MAP3K5: variants seen among roughly 807,000 people sequenced by gnomAD.
The protein encoded by MAP3K5 is mitogen-activated protein kinase kinase kinase 5.
MAP3K5 carries 56 observed loss-of-function variants against 158.7 expected under a neutral mutation model. That is an observed-to-expected ratio of 0.35 (90% CI 0.28 to 0.44). The LOEUF (loss-of-function observed/expected upper bound fraction) is 0.44, where lower values mean the gene tolerates loss of function less well. MAP3K5 is among the 20% of genes least tolerant of loss of function. MAP3K5 has a pLI of 1.00. For missense variants in MAP3K5, 1,294 were observed against 1,674.8 expected (o/e 0.77, Z 3.97); for synonymous variants, 579 against 601.7 (o/e 0.96, Z 0.55).
At chr6:136,752,198 A>T (rs1456751064) in intron 1 of MAP3K5, among the ~76,000 whole-genome samples, 1 of 152,160 alleles carries the variant, frequency 6.6e-6, no homozygotes, top group Non-Finnish European at 1.5e-5. Context: ...CACTACAGAG[A>T]TGATCAAGTC....
At chr6:136,575,842 C>G (rs1005327125) in intron 25 of MAP3K5, among the ~76,000 whole-genome samples, 1 of 152,218 alleles carries the variant, frequency 6.6e-6, no homozygotes, top group African/African-American at 2.4e-5. Flanking sequence ...GAGGGGGTGT[C>G]TGCCACATTC....
rs1266911449 is a variant in MAP3K5 at position 136,757,575 on chromosome 6, A to ATTTTT, written c.448+34134_448+34135insAAAAA. ...GAGAACTCATTTTATAGATTTATTT[A>ATTTTT]TTTATTTTTTATTTTTTTTTTTTTT... On this transcript the variant is annotated intron_variant, in intron 1 of 29. Transcript: ENST00000359015. Among the ~76,000 whole-genome samples the ATTTTT allele has an allele frequency of 1.3e-3, 150 of 111,262 alleles. 4 individuals carry two copies. The highest frequency in any genetic ancestry group is 3.9e-3 in the African/African-American group (117 of 30,362). 73.0% of individuals were successfully genotyped at this position (111,262 alleles called of 152,430 possible).
chr6:136,631,874 C>T (rs183523562), intron 14 of MAP3K5, among the ~76,000 whole-genome samples: 14 of 152,214 alleles, frequency 9.2e-5, no homozygotes, highest in Admixed American at 3.3e-4. Flanking sequence ...CATTAACAGT[C>T]CAGTCCAGTG....
intron 1 of MAP3K5, among the ~76,000 whole-genome samples, chr6:136,748,881 C>T (rs1783072276): frequency 6.6e-6 from 1 of 152,176 alleles, no homozygotes; most frequent in Non-Finnish European, 1.5e-5. Context: ...ATAGGCAATT[C>T]ATTTTGTATA....
intron 18 of MAP3K5, among the ~76,000 whole-genome samples, chr6:136,608,282 G>T (rs1156970422): frequency 6.6e-6 from 1 of 151,888 alleles, no homozygotes; most frequent in African/African-American, 2.4e-5. Context: ...AAAAAAAAAA[G>T]CAAGCCACTG....
At chr6:136,768,160 C>T (rs1046969699) in intron 1 of MAP3K5, among the ~76,000 whole-genome samples, 3 of 152,076 alleles carry the variant, frequency 2.0e-5, no homozygotes, top group African/African-American at 7.2e-5. Flanking sequence ...TGCTTTCTTA[C>T]GTAAGACAAC....
intron 1 of MAP3K5, among the ~76,000 whole-genome samples, chr6:136,766,590 G>C (rs1361684685): frequency 6.6e-6 from 1 of 152,198 alleles, no homozygotes; most frequent in African/African-American, 2.4e-5. Flanking sequence ...ATTTGCGGTT[G>C]GGAACAGAGG....
intron 8 of MAP3K5, among the ~76,000 whole-genome samples, chr6:136,660,967 C>G (rs1242671576): frequency 6.6e-6 from 1 of 150,804 alleles, no homozygotes; most frequent in Non-Finnish European, 1.5e-5. Context: ...TTTCCTTAAT[C>G]AAACTCAGAT....
At chr6:136,694,008 T>A in intron 7 of MAP3K5, 132 bp downstream of exon 7, 1 of 664,226 alleles carries the variant, frequency 1.5e-6, no homozygotes, top group Non-Finnish European at 2.4e-6. Context: ...TAAAATAAAA[T>A]AAAATCTAAG....
chr6:136,587,203 T>C (rs552787201), intron 23 of MAP3K5, among the ~76,000 whole-genome samples: 1 of 152,294 alleles, frequency 6.6e-6, no homozygotes, highest in Admixed American at 6.5e-5. Context: ...ACCTGACCAA[T>C]ATCTAGATTT....
intron 7 of MAP3K5, among the ~76,000 whole-genome samples, chr6:136,678,606 A>T (rs1779801814): frequency 1.3e-5 from 2 of 152,208 alleles, no homozygotes; most frequent in Non-Finnish European, 2.9e-5. Flanking sequence ...TTAGAGAACT[A>T]TACATTTACA....
intron 1 of MAP3K5, among the ~76,000 whole-genome samples, chr6:136,785,362 C>G (rs1368062114): frequency 6.6e-6 from 1 of 152,200 alleles, no homozygotes; most frequent in African/African-American, 2.4e-5. Flanking sequence ...AAGCTAAGTT[C>G]TTACAATTTT....
At position 136,707,561 on chromosome 6, in the gene MAP3K5, G is replaced by A. The variant is rs117746059; in HGVS notation, c.589-2428C>T. Among the ~76,000 whole-genome samples the A allele has an allele frequency of 2.0e-3, 305 of 151,970 alleles. 8 individuals carry two copies. In the East Asian group the frequency reaches 0.036, roughly 18 times the overall value. On this transcript the variant is annotated intron_variant, in intron 2 of 29. Transcript: ENST00000359015. ...AGAGTGAATTAAAGAGGTACTTGGG[G>A]GGGGGGGGAACCCCTTGAACGTAGT...
intron 8 of MAP3K5, among the ~76,000 whole-genome samples, chr6:136,662,209 T>C (rs1225988885): frequency 6.6e-6 from 1 of 152,232 alleles, no homozygotes; most frequent in East Asian, 1.9e-4. Context: ...TAGAAAATGC[T>C]GTACCAATTT....
chr6:136,623,083 T>C (rs1583289234), intron 14 of MAP3K5, 102 bp from the exon 15 acceptor site: 2 of 1,080,616 alleles, frequency 1.9e-6, no homozygotes, highest in East Asian at 4.8e-5. Flanking sequence ...TCTTATCAGA[T>C]GGCATTAACA....
At chr6:136,635,312 A>T (rs753904999) in intron 14 of MAP3K5, among the ~76,000 whole-genome samples, 20 of 152,312 alleles carry the variant, frequency 1.3e-4, no homozygotes, top group Middle Eastern at 3.4e-3. Context: ...CAAAGATAAC[A>T]AGGTATAATC....
chr6:136,591,329 T>G (rs926445229), intron 23 of MAP3K5, among the ~76,000 whole-genome samples: 5 of 152,234 alleles, frequency 3.3e-5, no homozygotes, highest in Non-Finnish European at 7.3e-5. Flanking sequence ...TGTGGGTGTG[T>G]GTGTGTATGT....
intron 1 of MAP3K5, among the ~76,000 whole-genome samples, chr6:136,774,755 A>C (rs191103015): frequency 1.9e-4 from 29 of 152,300 alleles, no homozygotes; most frequent in South Asian, 4.1e-4. Context: ...TCAATCAATC[A>C]ATCTGTATCA....
At chr6:136,682,638 C>T (rs1779983285) in intron 7 of MAP3K5, among the ~76,000 whole-genome samples, 1 of 152,160 alleles carries the variant, frequency 6.6e-6, no homozygotes, top group Non-Finnish European at 1.5e-5. Context: ...AGACTTAATG[C>T]TTTTAATTTC....
Sources: allele counts gnomAD v4.1 joint callset (sites outside exome capture counted in the v4.1 genomes callset), GRCh38; gene constraint gnomAD v4.1.1; transcripts MANE v1.5; gene names NCBI Gene and HGNC (gene_info 2026-07-23, HGNC 2026-07-21).